Variants in SKOR2 observed in about 807,000 individuals in gnomAD.
SKOR2 encodes the protein SKI family transcriptional corepressor 2.
In SKOR2, 47 loss-of-function variants were observed where a neutral mutation model predicts 69.1. That is an observed-to-expected ratio of 0.68 (90% CI 0.54 to 0.87). The LOEUF (loss-of-function observed/expected upper bound fraction) is 0.87, where lower values mean the gene tolerates loss of function less well. Ranked by LOEUF, SKOR2 falls within the 40% of genes least tolerant of loss-of-function variation. The probability of loss-of-function intolerance (pLI) is 0.00; values close to 1 mark genes in which losing one functional copy is unlikely to be tolerated. For missense variants in SKOR2, 1,404 were observed against 1,472.2 expected, an observed-to-expected ratio of 0.95 and a Z score of 0.76; for synonymous variants, 717 against 672.6, an observed-to-expected ratio of 1.07 and a Z score of -1.02.
Position 47,248,125 on chromosome 18 carries a change from C to A in SKOR2, c.1059G>T (p.Gly353=). The A allele has an allele frequency of 7.7e-7, 1 of 1,300,484 alleles. No homozygotes were observed. Among genetic ancestry groups the A allele is most frequent in the Non-Finnish European group, 9.7e-7 (1 of 1,033,372 alleles). 80.6% of individuals were successfully genotyped at this position (1,300,484 alleles called of 1,614,324 possible). A position where few individuals can be genotyped will look rare whatever the true frequency, so the allele number is the denominator to read the frequency against. The change falls in exon 2 of 9, where the codon GGG becomes GGT. Residue 353 remains glycine, a synonymous_variant. Coordinates refer to ENST00000425639, the MANE Select transcript of SKOR2 (RefSeq NM_001278063.4). The surrounding 1 kb of genome is among the most constrained non-coding windows in gnomAD (Gnocchi z 6.4). ...GGAGTGGGGA[G]GGCVAGVGVG... ...CGCCCACGCCGGCCACACAGCCACC[C>A]CCAGCGCCGCCCCCACCAGTCCCCG...
At chr18:47,219,033 A>G (rs373955913) in intron 7 of SKOR2, among the ~76,000 whole-genome samples, 10 of 152,208 alleles carry the variant, frequency 6.6e-5, no homozygotes, top group African/African-American at 2.4e-4. Flanking sequence ...AATCCTGACA[A>G]AGGAACTAGA....
chr18:47,239,667 T>TG (rs1265820220), intron 4 of SKOR2, among the ~76,000 whole-genome samples: 2 of 152,210 alleles, frequency 1.3e-5, no homozygotes, highest in East Asian at 3.8e-4. Flanking sequence ...TCATTGCCCT[T>TG]CTCTATCTCC....
Position 47,227,374 on chromosome 18 carries a change from G to A in SKOR2, c.2917+3085C>T, listed in dbSNP as rs138310404. 4.8e-3 allele frequency among the ~76,000 whole-genome samples: 564 copies of A among 117,870 alleles called. 3 individuals are homozygous for A. Among genetic ancestry groups the A allele is most frequent in the African/African-American group, 0.018 (528 of 29,166 alleles). 77.3% of individuals were successfully genotyped at this position (117,870 alleles called of 152,430 possible). On this transcript the variant is annotated intron_variant, in intron 6 of 8. Coordinates refer to ENST00000425639, the MANE Select transcript of SKOR2 (RefSeq NM_001278063.4). ...TTTTTTGGAGACGGAGTCTCCCTGT[G>A]TTGTCCAGGCTGGAGGGCAGTGGCG...
At chr18:47,207,032 A>G (rs1397776074) in intron 8 of SKOR2, 140 bp from the exon 9 acceptor site, 1 of 152,202 alleles carries the variant, frequency 6.6e-6, no homozygotes, top group African/African-American at 2.4e-5. Flanking sequence ...ATCTCTGATG[A>G]TATCAAGCCA....
At chr18:47,246,356 A>T (rs779527657) in intron 2 of SKOR2, among the ~76,000 whole-genome samples, 2 of 152,202 alleles carry the variant, frequency 1.3e-5, no homozygotes, top group Non-Finnish European at 2.9e-5. Flanking sequence ...AGGCGGCCCC[A>T]AAGCCTTTGA....
In SKOR2 at chr18:47,225,833, C is replaced by T. The variant is rs184840104; in HGVS notation, c.2917+4626G>A. Among the ~76,000 whole-genome samples the T allele has an allele frequency of 1.7e-3, 260 of 151,842 alleles. 8 individuals are homozygous for T. The highest frequency in any genetic ancestry group is 0.017 in the Admixed American group (257 of 15,242). The stretch of plus-strand genomic sequence containing the variant: ...GTCTGCCAGGTAACTGGAGCTGAGC[C>T]GGGGGAGAAGCAGAAATAAGGGTGG... On this transcript the variant is annotated intron_variant, in intron 6 of 8. Transcript: ENST00000425639.
chr18:47,221,017 C>T (rs1450545061), intron 6 of SKOR2, among the ~76,000 whole-genome samples: 2 of 152,276 alleles, frequency 1.3e-5, no homozygotes, highest in Admixed American at 6.5e-5. Context: ...CGACTGACCA[C>T]CTGCCACCAG....
intron 6 of SKOR2, among the ~76,000 whole-genome samples, chr18:47,226,211 G>T (rs1448848624): frequency 1.3e-5 from 2 of 152,166 alleles, no homozygotes; most frequent in Non-Finnish European, 2.9e-5. Context: ...AAGGCATAGG[G>T]TGCTGGAGGA....
Position 47,206,721 on chromosome 18 carries a change from A to G in SKOR2, c.*175T>C, listed in dbSNP as rs1049295752. ...CACTAATGAATGGCTGCTACAGTCT[A>G]TTTTACATGGTTGTCCATGCTGTTT... is the stretch of plus-strand genomic sequence containing the variant. On this transcript the variant is annotated 3_prime_UTR_variant, in exon 9 of 9. Coordinates refer to ENST00000425639, the MANE Select transcript of SKOR2 (RefSeq NM_001278063.4). 1 of 151,104 alleles carries G rather than the reference A, an allele frequency of 6.6e-6. No individual in the cohort carries two copies. The highest frequency in any genetic ancestry group is 2.4e-5 in the African/African-American group (1 of 41,192). The allele number at this position is 151,104 out of a possible 1,614,324, so 9.4% of individuals were successfully genotyped here.
intron 4 of SKOR2, among the ~76,000 whole-genome samples, chr18:47,241,622 AAAAC>A (rs1201222408): frequency 2.8e-4 from 39 of 138,712 alleles, no homozygotes; most frequent in Middle Eastern, 7.8e-3. Context: ...CAAAAAACAA[AAAAC>A]AAACAAACAA....
chr18:47,248,205 C>T lies in SKOR2; in HGVS notation c.979G>A (p.Ala327Thr). ...SLQEAAVVAA[A>T]SLSAAAASLS... ...CTGGCGGCTGCGGCCGAGAGGCTGG[C>T]GGCGGCCACTACGGCGGCCTCCTGC... Residue 327 changes from alanine (A) to threonine (T), a missense_variant, in exon 2 of 9, where the codon GCC becomes ACC. Ala to Thr is a moderately conservative substitution (Grantham distance 58, BLOSUM62 0). This residue lies in a region of SKOR2 where 1,266 missense variants were observed against 1,309.9 expected (regional missense o/e 0.97). Transcript: ENST00000425639. This position sits in a 1 kb window ranked among gnomAD's most constrained non-coding sequence, Gnocchi z 6.4. The T allele has an allele frequency of 8.1e-7, 1 of 1,231,146 alleles. No homozygotes were observed. Among genetic ancestry groups the T allele is most frequent in the Non-Finnish European group, 1.0e-6 (1 of 989,654 alleles). The allele number at this position is 1,231,146 out of a possible 1,614,324, so 76.3% of individuals were successfully genotyped here. A position where few individuals can be genotyped will look rare whatever the true frequency, so the allele number is the denominator to read the frequency against.
At chr18:47,226,320 T>C (rs920507308) in intron 6 of SKOR2, among the ~76,000 whole-genome samples, 2 of 152,158 alleles carry the variant, frequency 1.3e-5, no homozygotes, top group African/African-American at 4.8e-5. Flanking sequence ...ATCAGACCAG[T>C]GTGAGTGAGG....
Position 47,247,652 on chromosome 18 carries a change from A to G in SKOR2, c.1532T>C (p.Leu511Pro), listed in dbSNP as rs1335807316. 42 of 1,363,318 alleles carry G rather than the reference A, an allele frequency of 3.1e-5. No homozygotes were observed. Among genetic ancestry groups the G allele is most frequent in the Non-Finnish European group, 3.9e-5 (41 of 1,061,750 alleles). 84.5% of individuals were successfully genotyped at this position (1,363,318 alleles called of 1,614,324 possible). Residue 511 changes from leucine (L) to proline (P), a missense_variant, in exon 2 of 9, where the codon CTG becomes CCG. Leu to Pro is a moderately conservative substitution (Grantham distance 98). Transcript: ENST00000425639. The surrounding 1 kb of genome is among the most constrained non-coding windows in gnomAD (Gnocchi z 6.6). ...AGCACCGCCTGGCTCAGCCAGGTCCAGGAAGGCCTGGCGCAGCAGGGCCGG... is the reference window on the plus strand; with the variant it reads ...AGCACCGCCTGGCTCAGCCAGGTCCGGGAAGGCCTGGCGCAGCAGGGCCGG... ...ESPALLRQAF[L>P]DLAEPGGAAG...
intron 7 of SKOR2, among the ~76,000 whole-genome samples, chr18:47,219,020 A>C (rs906456593): frequency 1.3e-5 from 2 of 152,222 alleles, no homozygotes; most frequent in Non-Finnish European, 2.9e-5. Context: ...ATCTTTCTTA[A>C]ATAATCCTGA....
intron 6 of SKOR2, among the ~76,000 whole-genome samples, chr18:47,225,303 A>G (rs1255073720): frequency 6.6e-6 from 1 of 152,086 alleles, no homozygotes; most frequent in Non-Finnish European, 1.5e-5. Flanking sequence ...CTTTCCACTC[A>G]GTTCTTGTAA....
intron 6 of SKOR2, among the ~76,000 whole-genome samples, chr18:47,220,903 C>G (rs997296895): frequency 2.8e-4 from 43 of 152,302 alleles, no homozygotes; most frequent in Non-Finnish European, 1.6e-4. Context: ...CTTTCATCTT[C>G]ACAGCCAACT....
intron 4 of SKOR2, 136 bp from the exon 5 acceptor site, chr18:47,231,136 T>C (rs1362193066): frequency 2.6e-6 from 4 of 1,536,136 alleles, no homozygotes; most frequent in African/African-American, 1.4e-5. Flanking sequence ...TAACCAAATG[T>C]TGTCCTCATT....
intron 7 of SKOR2, among the ~76,000 whole-genome samples, chr18:47,215,368 A>T (rs56300786): frequency 0.021 from 3,210 of 152,018 alleles, 37 homozygotes; most frequent in African/African-American, 0.033. Context: ...ACCTTTTTTT[A>T]AAAAAAAGAT....
rs1568091104 is a variant in SKOR2 at position 47,247,101 on chromosome 18, G to GCGT, written c.2082_2083insACG (p.Ala694_Pro695insThr). 3.0e-6 allele frequency: 4 copies of GCGT among 1,335,554 alleles called. No homozygotes were observed. Among genetic ancestry groups the GCGT allele is most frequent in the Non-Finnish European group, 1.9e-6 (2 of 1,051,162 alleles). The allele number at this position is 1,335,554 out of a possible 1,614,324, so 82.7% of individuals were successfully genotyped here. A position where few individuals can be genotyped will look rare whatever the true frequency, so the allele number is the denominator to read the frequency against. ...GGGGGCGGCGGCGGCGGCGGCGGCG[G>GCGT]GGCCGGGTGGTGGCGCTCGGAACCC... On this transcript the variant is annotated inframe_insertion, in exon 2 of 9. Coordinates refer to ENST00000425639, the MANE Select transcript of SKOR2 (RefSeq NM_001278063.4). This position sits in a 1 kb window ranked among gnomAD's most constrained non-coding sequence, Gnocchi z 6.6.
Sources: gnomAD v4.1 joint callset for allele counts (sites outside exome capture counted in the v4.1 genomes callset) on GRCh38, gnomAD v4.1.1 for gene constraint, gnomAD v4.1.1 regional missense constraint, Gnocchi (gnomAD v3.1) non-coding constraint, MANE v1.5 for transcripts, NCBI Gene and HGNC (gene_info 2026-07-23, HGNC 2026-07-21) for gene names.